The following PARD3 variants were observed in gnomAD, a reference collection of about 807,000 sequenced individuals.
PARD3 encodes par-3 family cell polarity regulator, also known as partitioning defective 3 homolog.
A neutral mutation model predicts 155.4 loss-of-function variants in PARD3; 75 were observed. The ratio of observed to expected loss-of-function variants is 0.48; its 90% CI spans 0.40 to 0.58. The LOEUF is 0.58. Among genes scored for constraint, PARD3 ranks in the 20% least tolerant of loss-of-function variants. The pLI, the probability that PARD3 is intolerant of heterozygous loss-of-function variation, is 0.00. For synonymous variants in PARD3, 576 were observed against 610.5 expected, an observed-to-expected ratio of 0.94 and a Z score of 0.83; for missense variants, 1,642 against 1,721.7, an observed-to-expected ratio of 0.95 and a Z score of 0.82.
At chr10:34,766,933 A>C (rs1838177090) in intron 1 of PARD3, among the ~76,000 whole-genome samples, 2 of 152,170 alleles carry the variant, frequency 1.3e-5, no homozygotes, top group African/African-American at 4.8e-5. Context: ...AAGAATCCGC[A>C]TGTCCTCAGA....
At chr10:34,324,324 A>T (rs1589178669) in intron 19 of PARD3, among the ~76,000 whole-genome samples, 1 of 152,258 alleles carries the variant, frequency 6.6e-6, no homozygotes, top group Admixed American at 6.5e-5. Flanking sequence ...TGTTAAAAAA[A>T]TAATTTATAC....
Position 34,357,298 on chromosome 10 carries a change from T to G in PARD3, c.2067+1849A>C, listed in dbSNP as rs4338473. ...AACATTGAGAAGGTGTTAAAAATTT[T>G]AATTGGTCTCTAAAAGACTAAGGTG... On this transcript the variant is annotated intron_variant, in intron 14 of 24. Coordinates refer to ENST00000374788, the MANE Select transcript of PARD3 (RefSeq NM_001184785.2). Among the ~76,000 whole-genome samples, 1,389 of 152,282 alleles carry G rather than the reference T, an allele frequency of 9.1e-3. 21 individuals are homozygous for G. The highest frequency in any genetic ancestry group is 0.032 in the African/African-American group (1,320 of 41,568).
At chr10:34,480,686 G>A (rs1382309808) in intron 3 of PARD3, among the ~76,000 whole-genome samples, 2 of 151,768 alleles carry the variant, frequency 1.3e-5, no homozygotes, top group Non-Finnish European at 2.9e-5. Context: ...TATCAGTCAG[G>A]AACAAAAATA....
intron 2 of PARD3, among the ~76,000 whole-genome samples, chr10:34,624,630 A>G (rs2091887772): frequency 1.3e-5 from 2 of 152,214 alleles, no homozygotes; most frequent in South Asian, 2.1e-4. Flanking sequence ...CCTTCATTCA[A>G]CTGGCTCCTC....
intron 4 of PARD3, among the ~76,000 whole-genome samples, chr10:34,465,686 G>A (rs1424971427): frequency 6.6e-6 from 1 of 152,112 alleles, no homozygotes; most frequent in Non-Finnish European, 1.5e-5. Flanking sequence ...GTCCGGACCT[G>A]GTTTTTATAC....
intron 5 of PARD3, among the ~76,000 whole-genome samples, chr10:34,412,902 T>C (rs74411048): frequency 0.014 from 2,104 of 151,874 alleles, 54 homozygotes; most frequent in African/African-American, 0.048. Context: ...AAATAAGAAA[T>C]AGAAAATACA....
chr10:34,768,499 A>C (rs1838416086), intron 1 of PARD3, among the ~76,000 whole-genome samples: 3 of 152,150 alleles, frequency 2.0e-5, no homozygotes, highest in Non-Finnish European at 4.4e-5. Flanking sequence ...TGAGTTTCTG[A>C]TTAGCTTCTC....
chr10:34,697,154 T>C lies in PARD3; in HGVS notation c.121-735A>G, dbSNP rs148298393. On this transcript the variant is annotated intron_variant, in intron 1 of 24. Transcript: ENST00000374788. Reference sequence around the variant, plus strand: ...TTTATACACTTCTATATGGTGTACGTATATTTTAAAATCCTTAAAACTCTG... The same window carrying C: ...TTTATACACTTCTATATGGTGTACGCATATTTTAAAATCCTTAAAACTCTG... Among the ~76,000 whole-genome samples the C allele has an allele frequency of 4.4e-3, 676 of 152,298 alleles. 2 individuals are homozygous for C. Among genetic ancestry groups the C allele is most frequent in the Non-Finnish European group, 7.5e-3 (507 of 68,018 alleles).
intron 1 of PARD3, among the ~76,000 whole-genome samples, chr10:34,743,620 A>G (rs778605798): frequency 6.6e-6 from 1 of 152,204 alleles, no homozygotes; most frequent in Non-Finnish European, 1.5e-5. Context: ...GTATCTAAAA[A>G]TCTGCTTTCT....
At chr10:34,535,047 A>T (rs781514014) in intron 2 of PARD3, among the ~76,000 whole-genome samples, 16 of 152,182 alleles carry the variant, frequency 1.1e-4, no homozygotes, top group African/African-American at 1.9e-4. Flanking sequence ...TATTTTGCAG[A>T]CAAATTGTAG....
At chr10:34,304,216 C>G (rs1957290666) in intron 20 of PARD3, among the ~76,000 whole-genome samples, 1 of 151,798 alleles carries the variant, frequency 6.6e-6, no homozygotes, top group African/African-American at 2.4e-5. Context: ...TATTTTGGTG[C>G]CAGGCATTGT....
At chr10:34,203,374 C>G (rs561381004) in intron 22 of PARD3, among the ~76,000 whole-genome samples, 88 of 152,296 alleles carry the variant, frequency 5.8e-4, no homozygotes, top group Non-Finnish European at 1.1e-3. Flanking sequence ...TGACTCCCAG[C>G]CTTCTGCATT....
chr10:34,165,555 C>T (rs1310871805), intron 22 of PARD3, among the ~76,000 whole-genome samples: 1 of 152,234 alleles, frequency 6.6e-6, no homozygotes, highest in African/African-American at 2.4e-5. Context: ...GGCTAATGCA[C>T]AGAGCCAGTG....
intron 5 of PARD3, among the ~76,000 whole-genome samples, chr10:34,436,705 T>A (rs1190344261): frequency 6.6e-6 from 1 of 152,202 alleles, no homozygotes; most frequent in Admixed American, 6.6e-5. Flanking sequence ...ATAACCTTAA[T>A]GCCCATCAAT....
At chr10:34,555,521 G>A (rs2084914141) in intron 2 of PARD3, among the ~76,000 whole-genome samples, 2 of 152,124 alleles carry the variant, frequency 1.3e-5, no homozygotes, top group African/African-American at 4.8e-5. Flanking sequence ...AACAAAAGAA[G>A]TACAGGATCA....
At chr10:34,210,556 G>A (rs1300992978) in intron 22 of PARD3, among the ~76,000 whole-genome samples, 4 of 152,052 alleles carry the variant, frequency 2.6e-5, no homozygotes, top group Admixed American at 6.5e-5. Context: ...TACATCCGGC[G>A]GTACAAAGTG....
At chr10:34,503,515 T>C (rs2080849977) in intron 3 of PARD3, among the ~76,000 whole-genome samples, 2 of 152,226 alleles carry the variant, frequency 1.3e-5, no homozygotes, top group South Asian at 4.1e-4. Flanking sequence ...ATCAGCTCTG[T>C]GTGTGCCTAC....
intron 22 of PARD3, among the ~76,000 whole-genome samples, chr10:34,265,060 A>G (rs766902837): frequency 7.2e-5 from 11 of 152,214 alleles, no homozygotes; most frequent in Non-Finnish European, 1.2e-4. Flanking sequence ...CTACGCCAAC[A>G]TTTTTGTGAG....
At chr10:34,336,781 T>TA (rs1836239404) in intron 17 of PARD3, among the ~76,000 whole-genome samples, 1 of 152,138 alleles carries the variant, frequency 6.6e-6, no homozygotes, top group South Asian at 2.1e-4. Flanking sequence ...TTAAATGCCT[T>TA]AATTATCAAA....
Sources: gnomAD v4.1 joint callset for allele counts (sites outside exome capture counted in the v4.1 genomes callset) on GRCh38, gnomAD v4.1.1 for gene constraint, MANE v1.5 for transcripts, NCBI Gene and HGNC (gene_info 2026-07-23, HGNC 2026-07-21) for gene names.